The following SMARCA5 variants were observed in gnomAD, a reference collection of about 807,000 sequenced individuals.
The protein encoded by SMARCA5 is SWI/SNF-related matrix-associated actin-dependent regulator of chromatin subfamily A member 5.
Under a neutral mutation model 140.4 loss-of-function variants are expected in SMARCA5, and 18 were observed. The ratio of observed to expected loss-of-function variants is 0.13; its 90% CI spans 0.09 to 0.19. The LOEUF is 0.19. Among genes scored for constraint, SMARCA5 ranks in the 10% least tolerant of loss-of-function variants. The pLI is 1.00. For missense variants in SMARCA5, 606 were observed against 1,276.8 expected, an observed-to-expected ratio of 0.47 and a Z score of 8.01; for synonymous variants, 449 against 419.6, an observed-to-expected ratio of 1.07 and a Z score of -0.86.
At chr4:143,523,408 A>G (rs201597759) in intron 3 of SMARCA5, among the ~76,000 whole-genome samples, 2 of 152,284 alleles carry the variant, frequency 1.3e-5, no homozygotes, top group East Asian at 3.9e-4. Context: ...TAAGTTTTAC[A>G]ACTGTAATAA....
rs368107518 is a variant in SMARCA5 at position 143,546,064 on chromosome 4, G to T, written c.2520+17G>T. 6.7e-5 allele frequency: 104 copies of T among 1,557,976 alleles called. No homozygotes were observed. Among genetic ancestry groups the T allele is most frequent in the Non-Finnish European group, 8.5e-5 (98 of 1,157,646 alleles). Reference sequence around the variant, plus strand: ...CTAACACAGGTATAGCCTTTAATCAGTACAAACTTTAGTAACAGTTTGTTG... The same window carrying T: ...CTAACACAGGTATAGCCTTTAATCATTACAAACTTTAGTAACAGTTTGTTG... On this transcript the variant is annotated intron_variant, in intron 19 of 23. Transcript: ENST00000283131.
chr4:143,531,688 A>G (rs975410278), intron 9 of SMARCA5, among the ~76,000 whole-genome samples: 1 of 152,198 alleles, frequency 6.6e-6, no homozygotes, highest in Non-Finnish European at 1.5e-5. Flanking sequence ...TAACCTTTTT[A>G]ACATTCTTTG....
rs910017941 is a variant in SMARCA5, at chr4:143,555,281, C to T, written c.*2097C>T. The T allele has an allele frequency of 3.3e-5, 27 of 817,454 alleles. No homozygotes were observed. In the African/African-American group the frequency reaches 3.7e-4, roughly 11 times the overall value. The allele number at this position is 817,454 out of a possible 1,614,324, so 50.6% of individuals were successfully genotyped here. Reference sequence around the variant, plus strand: ...ATTTGAAGACTGATTGTTGTCATTGCCAAAATCATTGTAGCTTTTACCACC... The same window carrying T: ...ATTTGAAGACTGATTGTTGTCATTGTCAAAATCATTGTAGCTTTTACCACC... On this transcript the variant is annotated 3_prime_UTR_variant, in exon 24 of 24. Coordinates refer to ENST00000283131, the MANE Select transcript of SMARCA5 (RefSeq NM_003601.4).
rs1737771524 is a variant in SMARCA5, at chr4:143,556,918, G to A, written c.*3734G>A. ...GAAGTAAGAAGAAAAAGACTGAAAT[G>A]ATATGATTCTAAATGAAAAAAATGA... On this transcript the variant is annotated 3_prime_UTR_variant, in exon 24 of 24. Transcript: ENST00000283131. 1 of 152,162 alleles carries A rather than the reference G, an allele frequency of 6.6e-6. No individual in the cohort carries two copies. Among genetic ancestry groups the A allele is most frequent in the South Asian group, 2.1e-4 (1 of 4,824 alleles). The allele number at this position is 152,162 out of a possible 1,614,324, so 9.4% of individuals were successfully genotyped here.
intron 19 of SMARCA5, 66 bp downstream of exon 19, chr4:143,546,113 T>TG: frequency 2.4e-6 from 3 of 1,239,116 alleles, no homozygotes; most frequent in South Asian, 1.8e-5. Flanking sequence ...TAGGTTATGT[T>TG]GGGGCATAAA....
At chr4:143,538,464 T>A in intron 11 of SMARCA5, 126 bp from the exon 12 acceptor site, 2 of 704,530 alleles carry the variant, frequency 2.8e-6, no homozygotes, top group Non-Finnish European at 2.4e-6. Context: ...GTGTAGATTT[T>A]TTTCCCCCTT....
At position 143,514,263 on chromosome 4, in the gene SMARCA5, T is replaced by G. The variant is rs1464910805; in HGVS notation, c.177+162T>G. 1.5e-5 allele frequency: 10 copies of G among 652,556 alleles called. No homozygotes were observed. The East Asian group carries it at 3.1e-4, about 20-fold the overall frequency. 40.4% of individuals were successfully genotyped at this position (652,556 alleles called of 1,614,324 possible). A position where few individuals can be genotyped will look rare whatever the true frequency, so the allele number is the denominator to read the frequency against. On this transcript the variant is annotated intron_variant, in intron 1 of 23. Transcript: ENST00000283131. ...AATGATGCTCTCACTCTTGCTCCCTTGTTCTTACCCTATTCGAGCTAAGCA... is the reference window on the plus strand; with the variant it reads ...AATGATGCTCTCACTCTTGCTCCCTGGTTCTTACCCTATTCGAGCTAAGCA...
At position 143,513,822 on chromosome 4, in the gene SMARCA5, C is replaced by T. The variant is rs764003771; in HGVS notation, c.-103C>T. 6.0e-6 allele frequency: 8 copies of T among 1,339,316 alleles called. No homozygotes were observed. The highest frequency in any genetic ancestry group is 2.3e-5 in the Admixed American group (1 of 44,380). The allele number at this position is 1,339,316 out of a possible 1,614,324, so 83.0% of individuals were successfully genotyped here. A position where few individuals can be genotyped will look rare whatever the true frequency, so the allele number is the denominator to read the frequency against. ...GGAGCGCTCGGGTGGGAGTCTCGCT[C>T]CTCCACCAGTTTATTGCGACGTAGC... On this transcript the variant is annotated 5_prime_UTR_variant, in exon 1 of 24. Transcript: ENST00000283131.
intron 9 of SMARCA5, 95 bp downstream of exon 9, chr4:143,530,621 A>G (rs966266659): frequency 5.0e-6 from 4 of 798,448 alleles, no homozygotes; most frequent in Non-Finnish European, 8.2e-6. Context: ...TAAAAAACAC[A>G]ATGGCTTAAG....
At chr4:143,528,812 G>T in intron 8 of SMARCA5, 98 bp downstream of exon 8, 1 of 1,026,442 alleles carries the variant, frequency 9.7e-7, no homozygotes, top group Non-Finnish European at 1.4e-6. Context: ...ATGGCTTGAG[G>T]TTATTATTAA....
In SMARCA5 at chr4:143,556,566, TGAATG is replaced by T. The variant is rs769620192; in HGVS notation, c.*3388_*3392del. The T allele has an allele frequency of 3.9e-5, 6 of 152,148 alleles. No homozygotes were observed. Among genetic ancestry groups the T allele is most frequent in the Non-Finnish European group, 8.8e-5 (6 of 68,026 alleles). The allele number at this position is 152,148 out of a possible 1,614,324, so 9.4% of individuals were successfully genotyped here. ...GGATTGATGAACTCATAAATCCAAA[TGAATG>T]GAATGCTAGAAGACATGTATTAACG... On this transcript the variant is annotated 3_prime_UTR_variant, in exon 24 of 24. Transcript: ENST00000283131.
intron 9 of SMARCA5, 94 bp downstream of exon 9, chr4:143,530,620 CA>C (rs1737164986): frequency 1.2e-6 from 1 of 805,194 alleles, no homozygotes; most frequent in East Asian, 2.7e-5. Context: ...ATAAAAAACA[CA>C]ATGGCTTAAG....
intron 8 of SMARCA5, among the ~76,000 whole-genome samples, chr4:143,530,047 G>T (rs139986905): frequency 1.4e-4 from 21 of 152,250 alleles, no homozygotes; most frequent in African/African-American, 2.4e-4. Flanking sequence ...ATTTCATTTA[G>T]TAAGTTTGAT....
At chr4:143,533,918 T>C (rs138369248) in intron 9 of SMARCA5, among the ~76,000 whole-genome samples, 231 of 152,308 alleles carry the variant, frequency 1.5e-3, no homozygotes, top group African/African-American at 5.2e-3. Flanking sequence ...CTCAAACATA[T>C]ACAGGCACAT....
rs1346394754 is a variant in SMARCA5 at position 143,517,369 on chromosome 4, T to C, written c.192T>C (p.Asp64=). 14 of 1,608,712 alleles carry C rather than the reference T, an allele frequency of 8.7e-6. No homozygotes were observed. In the South Asian group the frequency reaches 1.4e-4, roughly 17 times the overall value. Residue 64 remains aspartate, a synonymous_variant, in exon 2 of 24, where the codon GAT becomes GAC. Transcript: ENST00000283131. ...CTTTCTACCAGGAAATATTTGATGATGCGTCACCTGGAAAGCAAAAGGAAA... is the reference window on the plus strand; with the variant it reads ...CTTTCTACCAGGAAATATTTGATGACGCGTCACCTGGAAAGCAAAAGGAAA... ...ADAEMEEIFD[D]ASPGKQKEIQ...
At chr4:143,538,509 TTG>T (rs1373937070) in intron 11 of SMARCA5, 79 bp from the exon 12 acceptor site, 2 of 1,105,006 alleles carry the variant, frequency 1.8e-6, no homozygotes, top group Admixed American at 2.0e-5. Flanking sequence ...TTAAGGATAA[TTG>T]ATTAGTCTTA....
At chr4:143,546,257 G>C (rs930164207) in intron 19 of SMARCA5, among the ~76,000 whole-genome samples, 2 of 152,114 alleles carry the variant, frequency 1.3e-5, no homozygotes, top group African/African-American at 4.8e-5. Flanking sequence ...ACTCTGGCTC[G>C]GTAGAGTGGG....
At position 143,542,773 on chromosome 4, in the gene SMARCA5, C is replaced by T. The variant is rs74372812; in HGVS notation, c.1904-736C>T. ...ACAAGGTTGTCCAAACTCCTGCCAA[C>T]TGAAAATATTTATTAATTTATTAAT... On this transcript the variant is annotated intron_variant, in intron 14 of 23. Coordinates refer to ENST00000283131, the MANE Select transcript of SMARCA5 (RefSeq NM_003601.4). Among the ~76,000 whole-genome samples the T allele has an allele frequency of 8.9e-3, 1,349 of 152,244 alleles. 30 individuals carry two copies. The highest frequency in any genetic ancestry group is 0.031 in the African/African-American group (1,292 of 41,536).
intron 3 of SMARCA5, among the ~76,000 whole-genome samples, 197 bp downstream of exon 3, chr4:143,521,792 C>T (rs1255934304): frequency 2.8e-5 from 4 of 143,866 alleles, no homozygotes; most frequent in African/African-American, 1.0e-4. Flanking sequence ...CACAGTGGCT[C>T]TTGCCTGTAA....
Sources: allele counts gnomAD v4.1 joint callset (sites outside exome capture counted in the v4.1 genomes callset), GRCh38; gene constraint gnomAD v4.1.1; transcripts MANE v1.5; gene names NCBI Gene and HGNC (gene_info 2026-07-23, HGNC 2026-07-21).